SLC4A4: variants seen among roughly 807,000 people sequenced by gnomAD.
SLC4A4 encodes the protein solute carrier family 4 member 4.
Under a neutral mutation model 111.5 loss-of-function variants are expected in SLC4A4, and 27 were observed. The ratio of observed to expected loss-of-function variants is 0.24; its 90% CI spans 0.18 to 0.33. SLC4A4 has a LOEUF of 0.33. Among genes scored for constraint, SLC4A4 ranks in the 10% least tolerant of loss-of-function variants. The pLI is 1.00. For synonymous variants in SLC4A4, 443 were observed against 463.4 expected (o/e 0.96, Z 0.57); for missense variants, 909 against 1,315.5 (o/e 0.69, Z 4.78).
intron 18 of SLC4A4, among the ~76,000 whole-genome samples, chr4:71,537,653 C>T (rs767553929): frequency 2.6e-5 from 4 of 151,602 alleles, no homozygotes; most frequent in Non-Finnish European, 5.9e-5. Flanking sequence ...GGCATTATAC[C>T]CAATGGCAAG....
chr4:71,495,978 A>G (rs1302641952), intron 15 of SLC4A4, among the ~76,000 whole-genome samples: 2 of 152,084 alleles, frequency 1.3e-5, no homozygotes. Context: ...AGTATGCAAG[A>G]AAGTGTTGTG....
In SLC4A4 at chr4:71,085,249, T is replaced by G. The variant is rs534083426; in HGVS notation, c.-64-7481T>G. On this transcript the variant is annotated intron_variant, in intron 1 of 26. Transcript: ENST00000649996. ...TATCCTTCGCCCACTTTTTGATGGG[T>G]TTGTTTGTTTTTTTCTTGTAAATTT... Among the ~76,000 whole-genome samples, 189 of 151,742 alleles carry G rather than the reference T, an allele frequency of 1.2e-3. 3 individuals carry two copies. Among genetic ancestry groups the G allele is most frequent in the African/African-American group, 4.3e-3 (175 of 41,152 alleles).
intron 3 of SLC4A4, among the ~76,000 whole-genome samples, chr4:71,264,659 G>A (rs1163027125): frequency 2.0e-5 from 3 of 152,040 alleles, no homozygotes; most frequent in Non-Finnish European, 4.4e-5. Context: ...ACATGCATGA[G>A]CAACTATAAA....
Position 71,463,467 on chromosome 4 carries a change from T to C in SLC4A4, c.1498-2977T>C, listed in dbSNP as rs116290117. Among the ~76,000 whole-genome samples the C allele has an allele frequency of 4.1e-3, 617 of 152,324 alleles. 3 individuals are homozygous for C. Among genetic ancestry groups the C allele is most frequent in the African/African-American group, 0.014 (597 of 41,582 alleles). ...TGTCAAATAGTTCTTTTCTCAGAAA[T>C]ACTGGAAACATCTCTAAGTTTAAGC... On this transcript the variant is annotated intron_variant, in intron 12 of 25. Transcript: ENST00000264485.
At chr4:71,461,420 T>C (rs1726810596) in intron 12 of SLC4A4, among the ~76,000 whole-genome samples, 1 of 152,132 alleles carries the variant, frequency 6.6e-6, no homozygotes, top group Non-Finnish European at 1.5e-5. Context: ...AATAATAAAG[T>C]CCTTAATAAA....
At chr4:71,448,325 A>G (rs1414059521) in intron 9 of SLC4A4, among the ~76,000 whole-genome samples, 4 of 151,784 alleles carry the variant, frequency 2.6e-5, no homozygotes, top group African/African-American at 7.3e-5. Flanking sequence ...ATCTCAAAAA[A>G]AAAAAAAAAA....
At chr4:71,148,266 A>G (rs1207851178) in intron 2 of SLC4A4, among the ~76,000 whole-genome samples, 3 of 152,162 alleles carry the variant, frequency 2.0e-5, no homozygotes, top group Non-Finnish European at 2.9e-5. Flanking sequence ...TATTGAGTCA[A>G]CATCTCTCTG....
At position 71,087,008 on chromosome 4, in the gene SLC4A4, G is replaced by T. The variant is rs531686404; in HGVS notation, c.-64-5722G>T. On this transcript the variant is annotated intron_variant, in intron 1 of 26. Coordinates refer to the SLC4A4 transcript ENST00000649996. ...CCAGCTCCTTCTTGTACCTCTGGTA[G>T]AATTCGGCTGCGAATCCATCTGGTC... Among the ~76,000 whole-genome samples, 183 of 152,116 alleles carry T rather than the reference G, an allele frequency of 1.2e-3. 1 individual carries two copies. Among genetic ancestry groups the T allele is most frequent in the Admixed American group, 3.1e-3 (48 of 15,294 alleles).
At chr4:71,506,683 C>G (rs1331589212) in intron 16 of SLC4A4, among the ~76,000 whole-genome samples, 1 of 152,112 alleles carries the variant, frequency 6.6e-6, no homozygotes, top group Non-Finnish European at 1.5e-5. Flanking sequence ...AGGATATCAT[C>G]CAGGAGAACT....
At chr4:71,384,034 A>T (rs1325890738) in intron 6 of SLC4A4, among the ~76,000 whole-genome samples, 1 of 152,242 alleles carries the variant, frequency 6.6e-6, no homozygotes, top group Non-Finnish European at 1.5e-5. Context: ...GGAGTAGCAC[A>T]GTATCAACCA....
At chr4:71,109,727 G>C (rs1743037269) in intron 2 of SLC4A4, among the ~76,000 whole-genome samples, 1 of 151,990 alleles carries the variant, frequency 6.6e-6, no homozygotes, top group African/African-American at 2.4e-5. Context: ...ATTTTTAATA[G>C]AGATGGGTTT....
intron 20 of SLC4A4, among the ~76,000 whole-genome samples, chr4:71,549,329 G>C (rs1242439357): frequency 6.6e-6 from 1 of 151,796 alleles, no homozygotes; most frequent in Non-Finnish European, 1.5e-5. Flanking sequence ...TTAGGCAATG[G>C]AACCTCATCC....
chr4:71,521,727 G>T (rs1578105414), intron 16 of SLC4A4, among the ~76,000 whole-genome samples: 1 of 152,150 alleles, frequency 6.6e-6, no homozygotes, highest in Non-Finnish European at 1.5e-5. Flanking sequence ...GACCACACAG[G>T]TTAACTTCCT....
chr4:71,109,341 G>A (rs1338150167), intron 2 of SLC4A4, among the ~76,000 whole-genome samples: 1 of 152,010 alleles, frequency 6.6e-6, no homozygotes, highest in Non-Finnish European at 1.5e-5. Flanking sequence ...AGAGAAAAAC[G>A]AAGGGGGGAA....
At chr4:71,450,213 C>A (rs78599811) in intron 9 of SLC4A4, among the ~76,000 whole-genome samples, 176 bp from the exon 10 acceptor site, 1 of 152,290 alleles carries the variant, frequency 6.6e-6, no homozygotes, top group African/African-American at 2.4e-5. Flanking sequence ...TCTTTGAAAT[C>A]ATAATCTGAA....
chr4:71,413,513 A>G (rs1721575111), intron 7 of SLC4A4, among the ~76,000 whole-genome samples: 1 of 152,216 alleles, frequency 6.6e-6, no homozygotes, highest in African/African-American at 2.4e-5. Flanking sequence ...TTAGTTTTAC[A>G]GTCTGATTTT....
In SLC4A4 at chr4:71,157,237, T is replaced by C. The variant is rs183267918; in HGVS notation, c.-2+64445T>C. ...AAGGAAATTGGAATAATTATATAAA[T>C]TGTTAGGCACTAATGCAATCCAAAG... On this transcript the variant is annotated intron_variant, in intron 2 of 26. Coordinates refer to the SLC4A4 transcript ENST00000649996. Among the ~76,000 whole-genome samples the C allele has an allele frequency of 4.6e-5, 7 of 152,268 alleles. No homozygotes were observed. The East Asian group carries it at 1.3e-3, about 29-fold the overall frequency.
chr4:71,094,826 A>C (rs2148942921), intron 2 of SLC4A4, among the ~76,000 whole-genome samples: 1 of 152,238 alleles, frequency 6.6e-6, no homozygotes, highest in East Asian at 1.9e-4. Context: ...CTTCTCCTGC[A>C]GTCTTCAGTG....
chr4:71,351,168 T>C (rs967694278), intron 5 of SLC4A4, among the ~76,000 whole-genome samples: 1 of 152,182 alleles, frequency 6.6e-6, no homozygotes, highest in Non-Finnish European at 1.5e-5. Flanking sequence ...GTTCAGTGAC[T>C]TTGATGGTGG....
Sources: gnomAD v4.1 joint callset for allele counts (sites outside exome capture counted in the v4.1 genomes callset) on GRCh38, gnomAD v4.1.1 for gene constraint, MANE v1.5 for transcripts, NCBI Gene and HGNC (gene_info 2026-07-23, HGNC 2026-07-21) for gene names.